Variants in ANO10 observed in about 807,000 individuals in gnomAD.
ANO10 encodes anoctamin-10.
Under a neutral mutation model 74.7 loss-of-function variants are expected in ANO10, and 77 were observed. The ratio of observed to expected loss-of-function variants is 1.03; its 90% CI spans 0.86 to 1.25. The LOEUF (loss-of-function observed/expected upper bound fraction) is 1.25. Ranked by LOEUF, ANO10 falls within the 50% of genes most tolerant of loss-of-function variation. The pLI, the probability that ANO10 is intolerant of heterozygous loss-of-function variation, is 0.00. For missense variants in ANO10, 721 were observed against 778.1 expected (o/e 0.93, Z 0.87); for synonymous variants, 279 against 284.9 (o/e 0.98, Z 0.21).
At chr3:43,485,033 C>A (rs927208799) in intron 11 of ANO10, 3 of 1,438,354 alleles carry the variant, frequency 2.1e-6, no homozygotes, top group Non-Finnish European at 2.9e-6. Context: ...GCTCAGGACC[C>A]GGTGGGGCAG....
chr3:43,683,087 C>T (rs895911481), intron 1 of ANO10, among the ~76,000 whole-genome samples: 1 of 152,102 alleles, frequency 6.6e-6, no homozygotes, highest in Admixed American at 6.6e-5. Flanking sequence ...CCAGGGCAAT[C>T]AGGCAGGAGA....
chr3:43,616,323 C>G lies in ANO10; in HGVS notation c.-12+5586G>C, dbSNP rs557889443. On this transcript the variant is annotated intron_variant, in intron 1 of 12. Coordinates refer to ENST00000292246, the MANE Select transcript of ANO10 (RefSeq NM_018075.5). ...AGAAGCAGAACTGGAATCCAATGCTCTTTGAACAACACCATGCCATCAGAA... is the reference window on the plus strand; with the variant it reads ...AGAAGCAGAACTGGAATCCAATGCTGTTTGAACAACACCATGCCATCAGAA... Among the ~76,000 whole-genome samples the G allele has an allele frequency of 3.9e-5, 6 of 152,326 alleles. No homozygotes were observed. The South Asian group carries it at 1.2e-3, about 32-fold the overall frequency.
chr3:43,595,201 C>A (rs924439991), intron 4 of ANO10, among the ~76,000 whole-genome samples: 38 of 152,212 alleles, frequency 2.5e-4, no homozygotes, highest in Non-Finnish European at 4.9e-4. Flanking sequence ...GGAGCTGGCA[C>A]CATTCCTTCT....
chr3:43,563,706 C>T (rs1463331540), intron 8 of ANO10, among the ~76,000 whole-genome samples: 1 of 152,110 alleles, frequency 6.6e-6, no homozygotes, highest in Admixed American at 6.5e-5. Context: ...TGCAGCAACA[C>T]GGATGGAACT....
chr3:43,604,637 A>G (rs147985492), intron 2 of ANO10, among the ~76,000 whole-genome samples: 2 of 152,224 alleles, frequency 1.3e-5, no homozygotes, highest in Non-Finnish European at 2.9e-5. Context: ...CTTCACCTGG[A>G]AGATGCAGAA....
intron 1 of ANO10, among the ~76,000 whole-genome samples, chr3:43,647,153 A>ATGTGTG (rs57290936): frequency 0.14 from 19,884 of 141,740 alleles, 1,720 homozygotes; most frequent in East Asian, 0.42. Flanking sequence ...ATGTGTATAT[A>ATGTGTG]TGTGTGTGTG....
intron 1 of ANO10, among the ~76,000 whole-genome samples, chr3:43,634,864 C>T (rs115612915): frequency 2.3e-3 from 346 of 152,178 alleles, no homozygotes; most frequent in Non-Finnish European, 4.2e-3. Context: ...GGATTGATGG[C>T]AGATGTGGTA....
intron 2 of ANO10, among the ~76,000 whole-genome samples, chr3:43,604,060 G>A (rs2082449671): frequency 6.6e-6 from 1 of 151,990 alleles, no homozygotes; most frequent in Non-Finnish European, 1.5e-5. Flanking sequence ...TGTAGAATAT[G>A]GAAGAGATTC....
intron 12 of ANO10, among the ~76,000 whole-genome samples, chr3:43,375,661 CTA>C (rs1491386765): frequency 5.3e-5 from 8 of 151,748 alleles, no homozygotes; most frequent in African/African-American, 1.9e-4. Flanking sequence ...ACTCTCCTAG[CTA>C]AAAGAGGCAG....
chr3:43,495,489 A>G (rs1232453916), intron 11 of ANO10, among the ~76,000 whole-genome samples: 1 of 152,224 alleles, frequency 6.6e-6, no homozygotes, highest in Non-Finnish European at 1.5e-5. Flanking sequence ...AAGAGTTAAT[A>G]TACTTAAAAT....
chr3:43,541,251 T>C (rs1056273897), intron 11 of ANO10, among the ~76,000 whole-genome samples: 3 of 152,196 alleles, frequency 2.0e-5, no homozygotes, highest in African/African-American at 7.2e-5. Context: ...GAGACTTCTA[T>C]GACAACAGAT....
intron 12 of ANO10, among the ~76,000 whole-genome samples, chr3:43,368,410 G>C (rs1015870625): frequency 4.6e-5 from 7 of 152,190 alleles, no homozygotes; most frequent in African/African-American, 1.7e-4. Flanking sequence ...ACCACTGCAA[G>C]ATTTCTATAA....
intron 4 of ANO10, among the ~76,000 whole-genome samples, chr3:43,581,267 TAAC>T (rs941845628): frequency 7.2e-5 from 11 of 152,198 alleles, no homozygotes; most frequent in African/African-American, 2.4e-4. Flanking sequence ...TCTAATCTGA[TAAC>T]AAAAGCTTAC....
chr3:43,646,638 T>C (rs2083729482), intron 1 of ANO10, among the ~76,000 whole-genome samples: 1 of 152,134 alleles, frequency 6.6e-6, no homozygotes, highest in Non-Finnish European at 1.5e-5. Flanking sequence ...CCTGAGTGGC[T>C]GGGATTACAC....
In ANO10 at chr3:43,432,677, CTTATCAGGT is replaced by C. The variant is rs2093001668; in HGVS notation, c.1839_1847del (p.Ile613_Lys616delinsMet). ...CTAGTTTCATCTGGATATGCCGTGG[CTTATCAGGT>C]ATGGCAAATGCAAGTATAAACTTTA... On this transcript the variant is annotated inframe_deletion, in exon 12 of 13. Coordinates refer to ENST00000292246, the MANE Select transcript of ANO10 (RefSeq NM_018075.5). The C allele has an allele frequency of 6.2e-7, 1 of 1,613,762 alleles. No homozygotes were observed. Among genetic ancestry groups the C allele is most frequent in the African/African-American group, 1.3e-5 (1 of 74,874 alleles).
chr3:43,423,666 G>A (rs2092854447), intron 12 of ANO10, among the ~76,000 whole-genome samples: 1 of 152,204 alleles, frequency 6.6e-6, no homozygotes, highest in Non-Finnish European at 1.5e-5. Context: ...AAGGTGCAAA[G>A]GAGCCAGTAT....
chr3:43,402,415 C>T (rs138143816), intron 12 of ANO10, among the ~76,000 whole-genome samples: 1 of 152,160 alleles, frequency 6.6e-6, no homozygotes, highest in Non-Finnish European at 1.5e-5. Context: ...TGTATTATGC[C>T]TAAATGATAC....
intron 1 of ANO10, among the ~76,000 whole-genome samples, chr3:43,612,140 T>TTA (rs55675402): frequency 0.052 from 3,360 of 64,172 alleles, 100 homozygotes; most frequent in Non-Finnish European, 0.076. Context: ...ATTAAATATT[T>TTA]TATATATATA....
At chr3:43,384,516 G>A (rs993463508) in intron 12 of ANO10, among the ~76,000 whole-genome samples, 8 of 152,102 alleles carry the variant, frequency 5.3e-5, no homozygotes, top group Admixed American at 4.6e-4. Context: ...TACATTACCC[G>A]ACTTCAAACT....
Sources: gnomAD v4.1 joint callset for allele counts (sites outside exome capture counted in the v4.1 genomes callset) on GRCh38, gnomAD v4.1.1 for gene constraint, MANE v1.5 for transcripts, NCBI Gene and HGNC (gene_info 2026-07-23, HGNC 2026-07-21) for gene names.